PLEKHH3: variants seen among roughly 807,000 people sequenced by gnomAD.
The protein encoded by PLEKHH3 is pleckstrin homology domain-containing family H member 3.
A neutral mutation model predicts 77.8 loss-of-function variants in PLEKHH3; 57 were observed. The observed-to-expected ratio is 0.73, with a 90% CI of 0.59 to 0.91. The LOEUF is 0.91. PLEKHH3 is among the 40% of genes least tolerant of loss of function. The pLI, the probability that PLEKHH3 is intolerant of heterozygous loss-of-function variation, is 0.00. For missense variants in PLEKHH3, 1,082 were observed against 1,091.2 expected (o/e 0.99, Z 0.12); for synonymous variants, 467 against 504.8 (o/e 0.93, Z 1.00).
At chr17:42,674,196 C>A (rs1236555583) in intron 2 of PLEKHH3, among the ~76,000 whole-genome samples, 158 bp downstream of exon 2, 1 of 152,148 alleles carries the variant, frequency 6.6e-6, no homozygotes, top group African/African-American at 2.4e-5. Flanking sequence ...TTTCTCCCCG[C>A]GCCCCCAGCC....
chr17:42,676,634 G>C lies in PLEKHH3; in HGVS notation c.-71C>G. 2.8e-6 allele frequency: 4 copies of C among 1,436,940 alleles called. No homozygotes were observed. Among genetic ancestry groups the C allele is most frequent in the Non-Finnish European group, 3.8e-6 (4 of 1,056,174 alleles). 89.0% of individuals were successfully genotyped at this position (1,436,940 alleles called of 1,614,324 possible). On this transcript the variant is annotated 5_prime_UTR_variant, in exon 1 of 13. Transcript: ENST00000591022. The surrounding 1 kb of genome is among the most constrained non-coding windows in gnomAD (Gnocchi z 6.6). ...CAGTAGGGGGTCGGAGGAACTGGCG[G>C]GGCTCCGACCCGAGCAGGGGAAAGA...
chr17:42,675,974 G>A (rs2052815981), intron 1 of PLEKHH3: 1 of 1,047,006 alleles, frequency 9.6e-7, no homozygotes, highest in African/African-American at 1.7e-5. Context: ...GGTCTCCGCA[G>A]CGGGAGCTCT....
intron 6 of PLEKHH3, 68 bp downstream of exon 6, chr17:42,673,108 G>A (rs2052737384): frequency 6.9e-7 from 1 of 1,450,966 alleles, no homozygotes; most frequent in Non-Finnish European, 9.1e-7. Context: ...TGCCAGTTAA[G>A]GGATTCAGAT....
Position 42,670,577 on chromosome 17 carries a change from T to G in PLEKHH3, c.1550A>C (p.Glu517Ala). 1.2e-6 allele frequency: 2 copies of G among 1,608,286 alleles called. No individual in the cohort carries two copies. Among genetic ancestry groups the G allele is most frequent in the Non-Finnish European group, 1.7e-6 (2 of 1,176,104 alleles). The change falls in exon 10 of 13, where the codon GAG becomes GCG. Residue 517 changes from glutamate to alanine, a missense_variant. By Grantham distance (107) the Glu-to-Ala change is moderately radical (BLOSUM62 -1). Coordinates refer to ENST00000591022, the MANE Select transcript of PLEKHH3 (RefSeq NM_024927.5). ...GTGAACGCCGGAGAGCCTCACCTGCTCAAAGAGGAAAGGCAGTTCGTGACC... is the reference window on the plus strand; with the variant it reads ...GTGAACGCCGGAGAGCCTCACCTGCGCAAAGAGGAAAGGCAGTTCGTGACC... ...PDGHELPFLF[E>A]QAHALLLRGR...
chr17:42,671,603 T>A lies in PLEKHH3; in HGVS notation c.1077-45A>T. On this transcript the variant is annotated intron_variant, in intron 7 of 12. Transcript: ENST00000591022. This position sits in a 1 kb window ranked among gnomAD's most constrained non-coding sequence, Gnocchi z 4.7. ...GGGATCAATACTCCAAGGGCTTTCT[T>A]CTCCCCCTCCCTCTTGCCTGCTTCT... 6.5e-7 allele frequency: 1 copy of A among 1,538,658 alleles called. No homozygotes were observed. The highest frequency in any genetic ancestry group is 8.8e-7 in the Non-Finnish European group (1 of 1,133,106).
rs2052824797 is a variant in PLEKHH3, at chr17:42,676,275, C to A, written c.162+127G>T. 3 of 1,481,404 alleles carry A rather than the reference C, an allele frequency of 2.0e-6. No homozygotes were observed. Among genetic ancestry groups the A allele is most frequent in the Non-Finnish European group, 2.7e-6 (3 of 1,116,804 alleles). 91.8% of individuals were successfully genotyped at this position (1,481,404 alleles called of 1,614,324 possible). On this transcript the variant is annotated intron_variant, in intron 1 of 12. Coordinates refer to ENST00000591022, the MANE Select transcript of PLEKHH3 (RefSeq NM_024927.5). The surrounding 1 kb of genome is among the most constrained non-coding windows in gnomAD (Gnocchi z 6.6). ...GCTCCCGGGGGCTTTGGCCCCCAGG[C>A]AAAAAACTCTCCCTCATCCCTAGTT...
chr17:42,672,052 G>T lies in PLEKHH3; in HGVS notation c.1076+34C>A, dbSNP rs1021890320. 6.3e-6 allele frequency: 9 copies of T among 1,436,866 alleles called. No homozygotes were observed. The African/African-American group carries it at 1.2e-4, about 18-fold the overall frequency. The allele number at this position is 1,436,866 out of a possible 1,614,324, so 89.0% of individuals were successfully genotyped here. On this transcript the variant is annotated intron_variant, in intron 7 of 12. Transcript: ENST00000591022. ...TTCTCTCCCAGCCCGGTAGCTCCTC[G>T]CCTAGGCCGTAACCCCCACCTCGCC... is the stretch of plus-strand genomic sequence containing the variant.
rs1403081448 is a variant in PLEKHH3, at chr17:42,676,094, G to A, written c.162+308C>T. The A allele has an allele frequency of 8.1e-7, 1 of 1,236,488 alleles. No homozygotes were observed. The highest frequency in any genetic ancestry group is 1.6e-5 in the African/African-American group (1 of 63,524). 76.6% of individuals were successfully genotyped at this position (1,236,488 alleles called of 1,614,324 possible). ...GGCGCTGGCGGAGGCGGAAGGAGACGGGATGGGACGCGGGCCCAGCGGGGA... is the reference window on the plus strand; with the variant it reads ...GGCGCTGGCGGAGGCGGAAGGAGACAGGATGGGACGCGGGCCCAGCGGGGA... On this transcript the variant is annotated intron_variant, in intron 1 of 12. Coordinates refer to ENST00000591022, the MANE Select transcript of PLEKHH3 (RefSeq NM_024927.5). The surrounding 1 kb of genome is among the most constrained non-coding windows in gnomAD (Gnocchi z 6.6).
chr17:42,671,976 T>G lies in PLEKHH3; in HGVS notation c.1076+110A>C. 1.1e-6 allele frequency: 1 copy of G among 884,378 alleles called. No homozygotes were observed. The highest frequency in any genetic ancestry group is 1.7e-6 in the Non-Finnish European group (1 of 592,092). 54.8% of individuals were successfully genotyped at this position (884,378 alleles called of 1,614,324 possible). A position where few individuals can be genotyped will look rare whatever the true frequency, so the allele number is the denominator to read the frequency against. ...TCTTGTATCTCCCACAAAGGCACTG[T>G]ATGTATTACTCGGTTCTTTACCTAC... On this transcript the variant is annotated intron_variant, in intron 7 of 12. Transcript: ENST00000591022. The surrounding 1 kb of genome is among the most constrained non-coding windows in gnomAD (Gnocchi z 4.7).
chr17:42,670,061 C>T lies in PLEKHH3; in HGVS notation c.1870G>A (p.Ala624Thr), dbSNP rs768571312. 23 of 1,476,650 alleles carry T rather than the reference C, an allele frequency of 1.6e-5. No homozygotes were observed. The African/African-American group carries it at 3.1e-4, about 20-fold the overall frequency. 91.5% of individuals were successfully genotyped at this position (1,476,650 alleles called of 1,614,324 possible). The part of the protein sequence containing the change: ...GSIAREGGGG[A>T]GTAAAVLGGW... ...CCCAGCACGGCAGCTGCCGTGCCGG[C>T]GCCGCCTCCTCCCTCGCGGGCAATG... Residue 624 changes from alanine to threonine, a missense_variant, in exon 11 of 13, where the codon GCC becomes ACC. Ala to Thr is a moderately conservative substitution (Grantham distance 58, BLOSUM62 0). This residue lies in a region of PLEKHH3 where 733 missense variants were observed against 750.0 expected (regional missense o/e 0.98). Transcript: ENST00000591022.
chr17:42,670,928 TAGAGACTG>T (rs938414475), intron 9 of PLEKHH3, 58 bp downstream of exon 9: 1 of 1,578,588 alleles, frequency 6.3e-7, no homozygotes, highest in African/African-American at 1.4e-5. Context: ...AATGTCCGCT[TAGAGACTG>T]ACCTCAGCTG....
Position 42,668,274 on chromosome 17 carries a change from G to C in PLEKHH3, c.2235C>G (p.Ala745=). ...QVEEIMQLVN[A]YLANPSPERP... Reference sequence around the variant, plus strand: ...TCTCGGGGGAGGGGTTGGCCAAGTAGGCATTCACCAGCTGCATGATCTCTT... The same window carrying C: ...TCTCGGGGGAGGGGTTGGCCAAGTACGCATTCACCAGCTGCATGATCTCTT... Residue 745 remains alanine, a synonymous_variant, in exon 13 of 13, where the codon GCC becomes GCG. Coordinates refer to ENST00000591022, the MANE Select transcript of PLEKHH3 (RefSeq NM_024927.5). The C allele has an allele frequency of 1.3e-6, 2 of 1,556,836 alleles. No individual in the cohort carries two copies. Among genetic ancestry groups the C allele is most frequent in the Non-Finnish European group, 8.6e-7 (1 of 1,159,264 alleles).
Position 42,669,947 on chromosome 17 carries a change from C to G in PLEKHH3, c.1984G>C (p.Ala662Pro). Residue 662 changes from alanine to proline, a missense_variant, in exon 11 of 13, where the codon GCT (alanine) becomes CCT (proline). Around this residue, in one of 3 missense-constraint regions of PLEKHH3, gnomAD observed 733 missense variants for 750.0 expected, o/e 0.98. Transcript: ENST00000591022. Reference protein sequence around the residue: ...LAAQCPGFGAARYDVLELSTE... With the variant: ...LAAQCPGFGAPRYDVLELSTE... ...CTCAGCTCCAGAACGTCATACCGAG[C>G]AGCGCCGAACCCCGGACACTGCGCC... 5 of 1,613,404 alleles carry G rather than the reference C, an allele frequency of 3.1e-6. No individual in the cohort carries two copies. Among genetic ancestry groups the G allele is most frequent in the Non-Finnish European group, 4.2e-6 (5 of 1,179,940 alleles).
Position 42,673,656 on chromosome 17 carries a change from C to A in PLEKHH3, c.477G>T (p.Arg159Ser). Residue 159 changes from arginine to serine, a missense_variant, in exon 4 of 13, where the codon AGG becomes AGT. Arg to Ser is a moderately radical substitution (Grantham distance 110, BLOSUM62 -1). Transcript: ENST00000591022. ...SLCSVTGPER[R>S]RKETGLWSVT... ...AGGAGGTCTCACCTGTCTCCTTACG[C>A]CTGCGCTCTGGGCCGGTCACCGAGC... 6.2e-7 allele frequency: 1 copy of A among 1,602,846 alleles called. No homozygotes were observed. Among genetic ancestry groups the A allele is most frequent in the Non-Finnish European group, 8.5e-7 (1 of 1,179,832 alleles).
At chr17:42,670,779 G>A in intron 9 of PLEKHH3, 74 bp from the exon 10 acceptor site, 5 of 1,548,744 alleles carry the variant, frequency 3.2e-6, no homozygotes, top group Non-Finnish European at 4.4e-6. Flanking sequence ...GGGTGGGGGC[G>A]GGGCCATGTG....
In PLEKHH3 at chr17:42,676,709, C is replaced by A; in HGVS notation, c.-146G>T. The stretch of plus-strand genomic sequence containing the variant: ...AAGAGGACAGGGAGGAGGCAGTGTC[C>A]TGGGCTGGGGTGCAAGGGGACGCTA... On this transcript the variant is annotated 5_prime_UTR_variant, in exon 1 of 13. The change creates a new upstream start codon in the 5' untranslated region. Coordinates refer to ENST00000591022, the MANE Select transcript of PLEKHH3 (RefSeq NM_024927.5). This position sits in a 1 kb window ranked among gnomAD's most constrained non-coding sequence, Gnocchi z 6.6. 1 of 815,382 alleles carries A rather than the reference C, an allele frequency of 1.2e-6. No individual in the cohort carries two copies. The highest frequency in any genetic ancestry group is 2.0e-6 in the Non-Finnish European group (1 of 510,972). 50.5% of individuals were successfully genotyped at this position (815,382 alleles called of 1,614,324 possible).
chr17:42,675,514 C>A (rs1398470065), intron 1 of PLEKHH3, among the ~76,000 whole-genome samples: 1 of 151,892 alleles, frequency 6.6e-6, no homozygotes, highest in East Asian at 1.9e-4. Context: ...TTCCCTCCCT[C>A]CCCCCTCCTC....
At position 42,668,061 on chromosome 17, in the gene PLEKHH3, C is replaced by T. The variant is rs2052593305; in HGVS notation, c.*66G>A. 1 of 1,273,624 alleles carries T rather than the reference C, an allele frequency of 7.9e-7. No individual in the cohort carries two copies. The highest frequency in any genetic ancestry group is 9.9e-7 in the Non-Finnish European group (1 of 1,006,408). The allele number at this position is 1,273,624 out of a possible 1,614,324, so 78.9% of individuals were successfully genotyped here. A position where few individuals can be genotyped will look rare whatever the true frequency, so the allele number is the denominator to read the frequency against. On this transcript the variant is annotated 3_prime_UTR_variant, in exon 13 of 13. Coordinates refer to ENST00000591022, the MANE Select transcript of PLEKHH3 (RefSeq NM_024927.5). ...CAGGGCCAAAAGGGTCCATGTTTCC[C>T]TCAAATCTCAGAGCAGTCCTGGCCC...
Position 42,670,991 on chromosome 17 carries a change from T to G in PLEKHH3, c.1421+3A>C. 6.2e-7 allele frequency: 1 copy of G among 1,608,918 alleles called. No homozygotes were observed. Among genetic ancestry groups the G allele is most frequent in the Non-Finnish European group, 8.5e-7 (1 of 1,178,694 alleles). On this transcript the variant is annotated splice_donor_region_variant and intron_variant, in intron 9 of 12. Coordinates refer to ENST00000591022, the MANE Select transcript of PLEKHH3 (RefSeq NM_024927.5). Reference sequence around the variant, plus strand: ...GAGAGCAGGGCTGGGGCTGGACATTTACTTCTCAAACCTGGTGAGCACGTC... The same window carrying G: ...GAGAGCAGGGCTGGGGCTGGACATTGACTTCTCAAACCTGGTGAGCACGTC...
Sources: gnomAD v4.1 joint callset for allele counts (sites outside exome capture counted in the v4.1 genomes callset) on GRCh38, gnomAD v4.1.1 for gene constraint, gnomAD v4.1.1 regional missense constraint, Gnocchi (gnomAD v3.1) non-coding constraint, MANE v1.5 for transcripts, NCBI Gene and HGNC (gene_info 2026-07-23, HGNC 2026-07-21) for gene names.